Variants in ARHGAP15 observed in about 807,000 individuals in gnomAD.
ARHGAP15 encodes the protein Rho GTPase activating protein 15.
A neutral mutation model predicts 63.7 loss-of-function variants in ARHGAP15; 51 were observed. The ratio of observed to expected loss-of-function variants is 0.80; its 90% CI spans 0.64 to 1.01. The LOEUF (loss-of-function observed/expected upper bound fraction) is 1.01, where lower values mean the gene tolerates loss of function less well. Among genes scored for constraint, ARHGAP15 ranks in the 50% least tolerant of loss-of-function variants. ARHGAP15 has a pLI of 0.00. For missense variants in ARHGAP15, 560 were observed against 564.6 expected, an observed-to-expected ratio of 0.99 and a Z score of 0.08; for synonymous variants, 191 against 193.8, an observed-to-expected ratio of 0.99 and a Z score of 0.12.
At chr2:143,321,405 T>C (rs776479922) in intron 6 of ARHGAP15, among the ~76,000 whole-genome samples, 1 of 152,214 alleles carries the variant, frequency 6.6e-6, no homozygotes, top group Non-Finnish European at 1.5e-5. Context: ...ACAGTTTTGC[T>C]CTCATAGTCG....
intron 8 of ARHGAP15, among the ~76,000 whole-genome samples, chr2:143,450,152 G>A (rs1455925638): frequency 3.7e-5 from 4 of 107,752 alleles, no homozygotes; most frequent in African/African-American, 1.5e-4. Context: ...GAGGTTTCAT[G>A]CTTTTTTTTT....
intron 4 of ARHGAP15, among the ~76,000 whole-genome samples, chr2:143,225,061 C>T (rs145260808): frequency 2.0e-5 from 3 of 152,312 alleles, no homozygotes; most frequent in East Asian, 3.9e-4. Flanking sequence ...CTGGCTTCAC[C>T]GGTGTGCGTC....
intron 13 of ARHGAP15, among the ~76,000 whole-genome samples, chr2:143,733,496 C>A (rs184544322): frequency 6.6e-6 from 1 of 152,292 alleles, no homozygotes; most frequent in East Asian, 1.9e-4. Flanking sequence ...AGAACCCAGA[C>A]TTCAATTCCC....
chr2:143,389,035 CAT>C (rs1367070191), intron 6 of ARHGAP15, among the ~76,000 whole-genome samples: 1 of 151,436 alleles, frequency 6.6e-6, no homozygotes, highest in Non-Finnish European at 1.5e-5. Context: ...GAAATTGTCT[CAT>C]ATGCCTTGAT....
At chr2:143,767,050 C>T (rs2072946046) in intron 13 of ARHGAP15, among the ~76,000 whole-genome samples, 2 of 152,098 alleles carry the variant, frequency 1.3e-5, no homozygotes, top group Non-Finnish European at 2.9e-5. Flanking sequence ...CTCTTATTTC[C>T]CTTGGGTTTG....
chr2:143,211,253 A>T (rs761566765), intron 3 of ARHGAP15, among the ~76,000 whole-genome samples: 96 of 151,540 alleles, frequency 6.3e-4, no homozygotes, highest in Non-Finnish European at 6.3e-4. Flanking sequence ...CCTAAAAACA[A>T]AGGCAAAATA....
At chr2:143,399,181 A>G (rs1329483217) in intron 6 of ARHGAP15, among the ~76,000 whole-genome samples, 1 of 152,100 alleles carries the variant, frequency 6.6e-6, no homozygotes, top group African/African-American at 2.4e-5. Context: ...TACTGCCCAG[A>G]TAACATTTCA....
intron 6 of ARHGAP15, among the ~76,000 whole-genome samples, chr2:143,416,086 A>G (rs796722988): frequency 4.0e-5 from 6 of 151,896 alleles, no homozygotes; most frequent in African/African-American, 1.4e-4. Flanking sequence ...GAACTTACTC[A>G]TGTAACCAAA....
At chr2:143,667,582 T>TAAAAAAAAAAAAA (rs71338146) in intron 12 of ARHGAP15, among the ~76,000 whole-genome samples, 1 of 138,950 alleles carries the variant, frequency 7.2e-6, no homozygotes, top group African/African-American at 2.8e-5. Context: ...TAAAAAAAAT[T>TAAAAAAAAAAAAA]AAAAAAAAAA....
intron 6 of ARHGAP15, among the ~76,000 whole-genome samples, chr2:143,298,346 C>T (rs922383697): frequency 1.3e-5 from 2 of 151,960 alleles, no homozygotes; most frequent in African/African-American, 4.8e-5. Context: ...AATACTGAAA[C>T]TCTTTATTAT....
At position 143,510,018 on chromosome 2, in the gene ARHGAP15, T is replaced by TAAAAAAAAAAAAAAAAAAAAAAAA. The variant is rs35469918; in HGVS notation, c.827-9242_827-9219dup. On this transcript the variant is annotated intron_variant, in intron 9 of 13. Coordinates refer to ENST00000295095, the MANE Select transcript of ARHGAP15 (RefSeq NM_018460.4). ...CTGGCGACAGAGTAAGACTCCCTCT[T>TAAAAAAAAAAAAAAAAAAAAAAAA]AAAAAAAAAAAAAAAAAAAAAAAAA... Among the ~76,000 whole-genome samples, 5 of 48,826 alleles carry TAAAAAAAAAAAAAAAAAAAAAAAA rather than the reference T, an allele frequency of 1.0e-4. 1 individual carries two copies. Among genetic ancestry groups the TAAAAAAAAAAAAAAAAAAAAAAAA allele is most frequent in the Admixed American group, 3.6e-4 (1 of 2,804 alleles). 32.0% of individuals were successfully genotyped at this position (48,826 alleles called of 152,430 possible).
At chr2:143,680,956 A>C (rs1683071814) in intron 12 of ARHGAP15, among the ~76,000 whole-genome samples, 2 of 152,364 alleles carry the variant, frequency 1.3e-5, no homozygotes, top group South Asian at 4.1e-4. Flanking sequence ...AAGTCAGTAG[A>C]AAATTCTAAA....
intron 2 of ARHGAP15, among the ~76,000 whole-genome samples, chr2:143,174,545 A>G (rs1690934708): frequency 6.6e-6 from 1 of 151,898 alleles, no homozygotes; most frequent in African/African-American, 2.4e-5. Context: ...TACCTATTCT[A>G]TTTGTTTTCC....
chr2:143,596,604 A>G (rs1443973843), intron 11 of ARHGAP15, among the ~76,000 whole-genome samples: 1 of 152,150 alleles, frequency 6.6e-6, no homozygotes, highest in East Asian at 1.9e-4. Context: ...GCCTAAAATA[A>G]TCTCTGAAAG....
intron 1 of ARHGAP15, among the ~76,000 whole-genome samples, chr2:143,137,767 T>C (rs1205112290): frequency 6.6e-6 from 1 of 152,110 alleles, no homozygotes; most frequent in South Asian, 2.1e-4. Context: ...GAAGGTAGAA[T>C]GCTCAGGAAA....
chr2:143,429,652 G>A (rs554189749), intron 6 of ARHGAP15, among the ~76,000 whole-genome samples: 26 of 152,114 alleles, frequency 1.7e-4, no homozygotes, highest in Non-Finnish European at 2.8e-4. Context: ...ACTAATGAAC[G>A]CACATTTGTT....
At chr2:143,710,661 T>C (rs1684541083) in intron 13 of ARHGAP15, among the ~76,000 whole-genome samples, 1 of 152,226 alleles carries the variant, frequency 6.6e-6, no homozygotes, top group African/African-American at 2.4e-5. Flanking sequence ...CATTGTTGTC[T>C]CTATTGTTAA....
intron 11 of ARHGAP15, among the ~76,000 whole-genome samples, chr2:143,587,406 C>T (rs1273286652): frequency 6.6e-6 from 1 of 152,068 alleles, no homozygotes; most frequent in Non-Finnish European, 1.5e-5. Context: ...CTCTACTTTT[C>T]AGGGTTTGTT....
At chr2:143,315,131 C>A (rs1683639631) in intron 6 of ARHGAP15, among the ~76,000 whole-genome samples, 1 of 152,130 alleles carries the variant, frequency 6.6e-6, no homozygotes, top group East Asian at 1.9e-4. Flanking sequence ...AATTATATTT[C>A]ACTTAATACT....
Sources: allele counts gnomAD v4.1 joint callset (sites outside exome capture counted in the v4.1 genomes callset), GRCh38; gene constraint gnomAD v4.1.1; transcripts MANE v1.5; gene names NCBI Gene and HGNC (gene_info 2026-07-23, HGNC 2026-07-21).